Variants in LATS2 observed in about 807,000 individuals in gnomAD.
LATS2 encodes the protein large tumor suppressor kinase 2.
In LATS2, 24 loss-of-function variants were observed where a neutral mutation model predicts 76.0. That is an observed-to-expected ratio of 0.32 (90% CI 0.23 to 0.44). The LOEUF (loss-of-function observed/expected upper bound fraction) is 0.44. Ranked by LOEUF, LATS2 falls within the 20% of genes least tolerant of loss-of-function variation. The pLI is 1.00. For missense variants in LATS2, 1,286 were observed against 1,481.2 expected (o/e 0.87, Z 2.16); for synonymous variants, 692 against 635.4 (o/e 1.09, Z -1.34).
In LATS2 at chr13:21,048,824, C is replaced by T. The variant is rs1315265325; in HGVS notation, c.-204-2594G>A. ...CGCACTCCAGCCTGGGCAACAAGAG[C>T]GAAACTCCGTCTCAAAAAATAAAAA... On this transcript the variant is annotated intron_variant, in intron 1 of 7. Transcript: ENST00000382592. Among the ~76,000 whole-genome samples, 10 of 151,126 alleles carry T rather than the reference C, an allele frequency of 6.6e-5. No individual in the cohort carries two copies. In the East Asian group the frequency reaches 1.7e-3, roughly 26 times the overall value.
intron 2 of LATS2, among the ~76,000 whole-genome samples, chr13:21,042,469 C>T (rs1279542879): frequency 6.6e-6 from 1 of 152,106 alleles, no homozygotes; most frequent in Non-Finnish European, 1.5e-5. Flanking sequence ...GTTAAGGCCG[C>T]TTGAGTCTGG....
intron 7 of LATS2, among the ~76,000 whole-genome samples, chr13:20,975,819 G>A (rs1264160343): frequency 6.6e-6 from 1 of 152,150 alleles, no homozygotes; most frequent in African/African-American, 2.4e-5. Context: ...GAGTAGCTGG[G>A]ATTACAGGCG....
At chr13:21,060,836 G>A (rs1209516099) in intron 1 of LATS2, among the ~76,000 whole-genome samples, 1 of 151,474 alleles carries the variant, frequency 6.6e-6, no homozygotes, top group Non-Finnish European at 1.5e-5. Context: ...CGGATCCGTG[G>A]GACCGCTGCG....
Position 20,973,894 on chromosome 13 carries a change from C to T in LATS2, c.*976G>A, listed in dbSNP as rs550580964. The T allele has an allele frequency of 1.0e-4, 23 of 222,094 alleles. No homozygotes were observed. The highest frequency in any genetic ancestry group is 5.8e-4 in the Admixed American group (10 of 17,296). The allele number at this position is 222,094 out of a possible 1,614,324, so 13.8% of individuals were successfully genotyped here. A position where few individuals can be genotyped will look rare whatever the true frequency, so the allele number is the denominator to read the frequency against. On this transcript the variant is annotated 3_prime_UTR_variant, in exon 8 of 8. Coordinates refer to ENST00000382592, the MANE Select transcript of LATS2 (RefSeq NM_014572.3). ...CGGACTACAGAAACGGACATGTGTC[C>T]GTGATTAAACTTTTTGGCATCGCTG...
chr13:20,988,460 G>T lies in LATS2; in HGVS notation c.1320C>A (p.Ile440=). The change falls in exon 4 of 8, where the codon ATC becomes ATA. Residue 440 remains isoleucine (I), a synonymous_variant. Transcript: ENST00000382592. ...NTVTAVTAAH[I]LHPVKSVRVL... is the part of the protein sequence containing the mutation. ...CACGCACGCTCTTCACCGGGTGCAA[G>T]ATGTGCGCGGCCGTGACAGCCGTCA... 1 of 1,529,718 alleles carries T rather than the reference G, an allele frequency of 6.5e-7. No individual in the cohort carries two copies. Among genetic ancestry groups the T allele is most frequent in the Non-Finnish European group, 8.7e-7 (1 of 1,144,900 alleles). 94.8% of individuals were successfully genotyped at this position (1,529,718 alleles called of 1,614,324 possible).
At chr13:20,985,415 C>CA (rs897721511) in intron 4 of LATS2, among the ~76,000 whole-genome samples, 17 of 151,716 alleles carry the variant, frequency 1.1e-4, no homozygotes, top group African/African-American at 1.7e-4. Context: ...AACTCAACAG[C>CA]AAAAAAAATA....
intron 2 of LATS2, among the ~76,000 whole-genome samples, chr13:21,009,600 C>A (rs1871493295): frequency 6.6e-6 from 1 of 152,198 alleles, no homozygotes; most frequent in African/African-American, 2.4e-5. Context: ...ATTAGCCACA[C>A]CAAATCACTC....
chr13:21,051,517 G>A (rs1873273885), intron 1 of LATS2, among the ~76,000 whole-genome samples: 1 of 152,328 alleles, frequency 6.6e-6, no homozygotes, highest in African/African-American at 2.4e-5. Flanking sequence ...GGACTGATAT[G>A]AAAGATGAGC....
intron 2 of LATS2, among the ~76,000 whole-genome samples, chr13:21,025,684 T>A (rs534056591): frequency 1.2e-4 from 18 of 152,338 alleles, no homozygotes; most frequent in African/African-American, 3.6e-4. Flanking sequence ...TGCCTGACAC[T>A]GCTCACAACA....
chr13:21,057,380 T>C (rs1169859460), intron 1 of LATS2, among the ~76,000 whole-genome samples: 4 of 152,270 alleles, frequency 2.6e-5, no homozygotes, highest in African/African-American at 9.6e-5. Context: ...TGACATGATC[T>C]AGATGATAAC....
chr13:21,027,826 T>G (rs185120389), intron 2 of LATS2, among the ~76,000 whole-genome samples: 43 of 152,342 alleles, frequency 2.8e-4, no homozygotes, highest in African/African-American at 9.9e-4. Context: ...TGTATTTGGA[T>G]TCTGCTGGAT....
chr13:21,054,525 G>A (rs974661725), intron 1 of LATS2, among the ~76,000 whole-genome samples: 1 of 152,142 alleles, frequency 6.6e-6, no homozygotes, highest in Admixed American at 6.6e-5. Flanking sequence ...AAACCCTAGG[G>A]CAGCTGCACC....
At chr13:21,046,528 T>C (rs544923877) in intron 1 of LATS2, among the ~76,000 whole-genome samples, 16 of 152,344 alleles carry the variant, frequency 1.1e-4, no homozygotes, top group Non-Finnish European at 2.2e-4. Flanking sequence ...TTTAAAATAC[T>C]TCATTATAAT....
At chr13:21,012,062 T>A (rs1039091170) in intron 2 of LATS2, among the ~76,000 whole-genome samples, 3 of 152,212 alleles carry the variant, frequency 2.0e-5, no homozygotes, top group Non-Finnish European at 4.4e-5. Flanking sequence ...TATAACAAAA[T>A]GATCTTAAAT....
intron 7 of LATS2, 37 bp downstream of exon 7, chr13:20,979,654 T>G: frequency 8.6e-7 from 1 of 1,160,340 alleles, no homozygotes. Flanking sequence ...AAATCAGATG[T>G]CTACAGCAAG....
intron 2 of LATS2, among the ~76,000 whole-genome samples, chr13:21,034,650 G>C (rs777388539): frequency 1.3e-5 from 2 of 152,162 alleles, no homozygotes; most frequent in African/African-American, 2.4e-5. Context: ...CTCTGCCTCT[G>C]GGGGTTAGGC....
Position 20,991,192 on chromosome 13 carries a change from G to A in LATS2, c.475+80C>T. 6.4e-7 allele frequency: 1 copy of A among 1,561,258 alleles called. No individual in the cohort carries two copies. Among genetic ancestry groups the A allele is most frequent in the Non-Finnish European group, 8.8e-7 (1 of 1,141,084 alleles). ...ACTGGCTCTGGCCAGGCCAGGCCAG[G>A]TTGGACCCCTCTGCACGTGGTTTTG... is the stretch of plus-strand genomic sequence containing the variant. On this transcript the variant is annotated intron_variant, in intron 3 of 7. Transcript: ENST00000382592. This position sits in a 1 kb window ranked among gnomAD's most constrained non-coding sequence, Gnocchi z 4.9.
intron 1 of LATS2, among the ~76,000 whole-genome samples, chr13:21,060,940 C>G (rs951377968): frequency 6.6e-6 from 1 of 151,382 alleles, no homozygotes; most frequent in African/African-American, 2.4e-5. Context: ...CAGAGGCGCG[C>G]CCGGCGCTAC....
chr13:21,013,350 T>G (rs527270776), intron 2 of LATS2, among the ~76,000 whole-genome samples: 47 of 152,350 alleles, frequency 3.1e-4, no homozygotes, highest in African/African-American at 1.1e-3. Context: ...TAATCTCATT[T>G]CTTGGACTAT....
Sources: allele counts gnomAD v4.1 joint callset (sites outside exome capture counted in the v4.1 genomes callset), GRCh38; gene constraint gnomAD v4.1.1; non-coding constraint Gnocchi (gnomAD v3.1); transcripts MANE v1.5; gene names NCBI Gene and HGNC (gene_info 2026-07-23, HGNC 2026-07-21).